RUFY3: variants seen among roughly 807,000 people sequenced by gnomAD.
RUFY3 encodes protein RUFY3.
A neutral mutation model predicts 84.0 loss-of-function variants in RUFY3; 34 were observed. The ratio of observed to expected loss-of-function variants is 0.40; its 90% CI spans 0.31 to 0.54. The LOEUF (loss-of-function observed/expected upper bound fraction) is 0.54, where lower values mean the gene tolerates loss of function less well. RUFY3 is among the 20% of genes least tolerant of loss of function. RUFY3 has a pLI of 0.39. For synonymous variants in RUFY3, 242 were observed against 252.9 expected, an observed-to-expected ratio of 0.96 and a Z score of 0.41; for missense variants, 507 against 736.8, an observed-to-expected ratio of 0.69 and a Z score of 3.61.
At chr4:70,769,822 TTTTG>T (rs1323671119) in intron 5 of RUFY3, among the ~76,000 whole-genome samples, 26 of 152,080 alleles carry the variant, frequency 1.7e-4, no homozygotes, top group African/African-American at 4.6e-4. Context: ...TTGTTTTTGT[TTTTG>T]TTTTTTGTTT....
At chr4:70,791,812 G>T (rs1730866794) in intron 12 of RUFY3, 1 of 985,278 alleles carries the variant, frequency 1.0e-6, no homozygotes, top group South Asian at 4.7e-5. Context: ...TGTTATATAG[G>T]TTTAATCCCC....
chr4:70,708,329 C>T (rs945851464), intron 1 of RUFY3, among the ~76,000 whole-genome samples: 1 of 151,884 alleles, frequency 6.6e-6, no homozygotes, highest in African/African-American at 2.4e-5. Flanking sequence ...GCACCACCAC[C>T]CCAGCTATTT....
exon 1 of RUFY3, chr4:70,705,137 G>C (rs769802384): frequency 4.1e-6 from 6 of 1,453,218 alleles, no homozygotes; most frequent in Non-Finnish European, 3.6e-6. Context: ...CCTTCTTCCT[G>C]CTGTACCCCG....
chr4:70,804,288 T>G lies in RUFY3; in HGVS notation c.1651-60T>G, dbSNP rs1442695029. ...AATATTGTAGGTAAAAAATGCATAT[T>G]CTGAAAGTACTAATATTTCTGGCAC... On this transcript the variant is annotated intron_variant, in intron 16 of 17. Transcript: ENST00000381006. 3.6e-6 allele frequency: 5 copies of G among 1,381,966 alleles called. No homozygotes were observed. In the East Asian group the frequency reaches 1.1e-4, roughly 32 times the overall value. 85.6% of individuals were successfully genotyped at this position (1,381,966 alleles called of 1,614,324 possible). A position where few individuals can be genotyped will look rare whatever the true frequency, so the allele number is the denominator to read the frequency against.
chr4:70,712,732 C>T (rs1741123670), intron 1 of RUFY3, among the ~76,000 whole-genome samples: 1 of 152,112 alleles, frequency 6.6e-6, no homozygotes, highest in African/African-American at 2.4e-5. Context: ...CAATATTTTT[C>T]AAAATTCCTT....
upstream of RUFY3, among the ~76,000 whole-genome samples, chr4:70,718,804 G>A (rs192438314): frequency 1.7e-3 from 260 of 151,400 alleles, 2 homozygotes; most frequent in African/African-American, 5.7e-3. Flanking sequence ...TGCAACCCCC[G>A]CCTCCCAGGT....
chr4:70,767,573 C>T (rs1726189408), intron 4 of RUFY3, among the ~76,000 whole-genome samples: 1 of 151,868 alleles, frequency 6.6e-6, no homozygotes. Flanking sequence ...TGGGTAAATA[C>T]CAAGGAATGC....
Position 70,722,293 on chromosome 4 carries a change from G to A in RUFY3, c.-281G>A. 8.1e-7 allele frequency: 1 copy of A among 1,234,234 alleles called. No individual in the cohort carries two copies. The highest frequency in any genetic ancestry group is 1.0e-6 in the Non-Finnish European group (1 of 989,902). The allele number at this position is 1,234,234 out of a possible 1,614,324, so 76.5% of individuals were successfully genotyped here. ...GGGGGGCAGGGAAGGGAAGATAAAA[G>A]GAGAGGAAGCTGGGAGAAGACAAGC... On this transcript the variant is annotated 5_prime_UTR_variant, in exon 1 of 18. Transcript: ENST00000381006.
At chr4:70,709,411 C>T (rs1303723468) in intron 1 of RUFY3, among the ~76,000 whole-genome samples, 1 of 152,138 alleles carries the variant, frequency 6.6e-6, no homozygotes, top group Non-Finnish European at 1.5e-5. Flanking sequence ...CTTTGTGGAC[C>T]TCCAGCACCC....
At chr4:70,705,347 G>T (rs886777466) in intron 1 of RUFY3, 1 of 1,250,374 alleles carries the variant, frequency 8.0e-7, no homozygotes, top group African/African-American at 1.6e-5. Context: ...CATTCGGCTG[G>T]GGAGGGCCGG....
At chr4:70,748,790 A>G (rs534617181) in intron 1 of RUFY3, among the ~76,000 whole-genome samples, 1 of 152,272 alleles carries the variant, frequency 6.6e-6, no homozygotes, top group South Asian at 2.1e-4. Context: ...CATTGTTTTT[A>G]TAGGAAGCAG....
intron 12 of RUFY3, chr4:70,792,738 T>C: frequency 1.0e-6 from 1 of 985,416 alleles, no homozygotes; most frequent in Non-Finnish European, 1.2e-6. Flanking sequence ...ATAGATTCCA[T>C]GTGTGCTTAT....
chr4:70,799,250 T>C (rs1040076367), intron 14 of RUFY3, among the ~76,000 whole-genome samples: 5 of 151,654 alleles, frequency 3.3e-5, no homozygotes, highest in African/African-American at 9.7e-5. Context: ...ATAGAGATGG[T>C]GGCACTGGGC....
intron 12 of RUFY3, chr4:70,792,312 C>A (rs1322075953): frequency 1.0e-6 from 1 of 976,884 alleles, no homozygotes; most frequent in Non-Finnish European, 1.2e-6. Context: ...TTCTGGGAAG[C>A]TAATAATTGA....
intron 1 of RUFY3, among the ~76,000 whole-genome samples, chr4:70,728,547 A>G (rs7667603): frequency 0.14 from 21,481 of 152,266 alleles, 3,534 homozygotes; most frequent in African/African-American, 0.4. Context: ...CAGTAGTATC[A>G]TATTTCAAAA....
upstream of RUFY3, among the ~76,000 whole-genome samples, chr4:70,704,643 CT>C (rs1251404742): frequency 6.6e-6 from 1 of 151,368 alleles, no homozygotes; most frequent in African/African-American, 2.4e-5. Flanking sequence ...ACGCTGCCCC[CT>C]AGGGGAGCCG....
intron 1 of RUFY3, among the ~76,000 whole-genome samples, chr4:70,747,700 A>C (rs1220503531): frequency 1.3e-5 from 2 of 152,080 alleles, no homozygotes; most frequent in Non-Finnish European, 2.9e-5. Context: ...TTCCATTTGC[A>C]TTTACAACTA....
At chr4:70,743,283 G>T (rs1355005609) in intron 1 of RUFY3, among the ~76,000 whole-genome samples, 1 of 151,982 alleles carries the variant, frequency 6.6e-6, no homozygotes, top group Non-Finnish European at 1.5e-5. Flanking sequence ...TGTTGGCCAG[G>T]CTGGTCTCGA....
At chr4:70,715,929 TG>T (rs1741542003) in intron 1 of RUFY3, among the ~76,000 whole-genome samples, 1 of 152,028 alleles carries the variant, frequency 6.6e-6, no homozygotes, top group Non-Finnish European at 1.5e-5. Context: ...CTGGCTAACC[TG>T]GTGAAACCCC....
Sources: gnomAD v4.1 joint callset for allele counts (sites outside exome capture counted in the v4.1 genomes callset) on GRCh38, gnomAD v4.1.1 for gene constraint, MANE v1.5 for transcripts, NCBI Gene and HGNC (gene_info 2026-07-23, HGNC 2026-07-21) for gene names.